The following CHIA variants were observed in gnomAD, a reference collection of about 807,000 sequenced individuals.
CHIA encodes the protein acidic mammalian chitinase.
A neutral mutation model predicts 53.5 loss-of-function variants in CHIA; 47 were observed. The observed-to-expected ratio is 0.88, with a 90% CI of 0.70 to 1.12. The LOEUF (loss-of-function observed/expected upper bound fraction) is 1.12, where lower values mean the gene tolerates loss of function less well. Ranked by LOEUF, CHIA falls within the 50% of genes most tolerant of loss-of-function variation. CHIA has a pLI of 0.00. For missense variants in CHIA, 652 were observed against 592.2 expected (o/e 1.10, Z -1.05); for synonymous variants, 268 against 222.2 (o/e 1.21, Z -1.83).
Position 111,319,407 on chromosome 1 carries a change from C to T in CHIA, c.1116C>T (p.Cys372=). 1 of 1,614,158 alleles carries T rather than the reference C, an allele frequency of 6.2e-7. No homozygotes were observed. Among genetic ancestry groups the T allele is most frequent in the Non-Finnish European group, 8.5e-7 (1 of 1,179,986 alleles). ...IDLDDFTGTF[C]NQGKFPLIST... is the part of the protein sequence containing the mutation. ...TGGATGACTTCACTGGCACTTTCTG[C>T]AACCAGGGCAAGTTTCCCCTAATCT... is the stretch of plus-strand genomic sequence containing the variant. The change falls in exon 11 of 12, where the codon TGC becomes TGT. Residue 372 remains cysteine (C), a synonymous_variant. Coordinates refer to ENST00000369740, the MANE Select transcript of CHIA (RefSeq NM_201653.4).
Position 111,320,287 on chromosome 1 carries a change from A to G in CHIA, c.1252A>G (p.Ser418Gly), listed in dbSNP as rs1273577494. Residue 418 changes from serine (S) to glycine (G), a missense_variant, in exon 12 of 12, where the codon AGC becomes GGC. Ser to Gly is a moderately conservative substitution (Grantham distance 56, BLOSUM62 0). Coordinates refer to ENST00000369740, the MANE Select transcript of CHIA (RefSeq NM_201653.4). ...PSGSGNGSGS[S>G]SSGGSSGGSG... Reference sequence around the variant, plus strand: ...TGGCAGCGGGAACGGGAGCGGGAGTAGCAGCTCTGGAGGCAGCTCGGGAGG... The same window carrying G: ...TGGCAGCGGGAACGGGAGCGGGAGTGGCAGCTCTGGAGGCAGCTCGGGAGG... 3 of 1,614,238 alleles carry G rather than the reference A, an allele frequency of 1.9e-6. No homozygotes were observed. Among genetic ancestry groups the G allele is most frequent in the Admixed American group, 1.7e-5 (1 of 60,032 alleles).
intron 3 of CHIA, 84 bp downstream of exon 3, chr1:111,311,802 C>A: frequency 7.0e-7 from 1 of 1,426,506 alleles, no homozygotes; most frequent in Non-Finnish European, 9.9e-7. Context: ...CTGTTTGCTT[C>A]ACAGACAGAT....
chr1:111,306,130 T>C (rs771968906), intron 1 of CHIA, among the ~76,000 whole-genome samples: 19 of 152,168 alleles, frequency 1.2e-4, no homozygotes, highest in Non-Finnish European at 2.5e-4. Context: ...AACCTTAAAA[T>C]CATGAAGATT....
In CHIA at chr1:111,320,361, TA is replaced by T. The variant is rs1649566803; in HGVS notation, c.1328del (p.Asn443ThrfsTer9). The T allele has an allele frequency of 5.0e-6, 8 of 1,614,176 alleles. No individual in the cohort carries two copies. The highest frequency in any genetic ancestry group is 3.3e-4 in the Middle Eastern group (2 of 6,062). On this transcript the variant is annotated frameshift_variant, in exon 12 of 12. Transcript: ENST00000369740. LOFTEE classifies it low-confidence loss of function (END_TRUNC). ...CCAACGGCCTCTACCCCGTGGCAAA[TA>T]ACAGAAATGCCTTCTGGCACTGCGT... Reference protein sequence around the residue: ...RANGLYPVANNRNAFWHCVNG... With the variant: ...RANGLYPVANXRNAFWHCVNG...
intron 1 of CHIA, among the ~76,000 whole-genome samples, chr1:111,292,052 T>C (rs1301411028): frequency 6.6e-6 from 1 of 152,194 alleles, no homozygotes; most frequent in Non-Finnish European, 1.5e-5. Flanking sequence ...TTGAAACATG[T>C]AAGGTATTTA....
intron 1 of CHIA, among the ~76,000 whole-genome samples, chr1:111,304,527 C>G (rs1463242434): frequency 6.6e-6 from 1 of 152,084 alleles, no homozygotes; most frequent in Non-Finnish European, 1.5e-5. Flanking sequence ...GCCCTTGAAC[C>G]TTTCTAGTAA....
Position 111,320,554 on chromosome 1 carries a change from A to G in CHIA, c.*88A>G. 1 of 1,273,064 alleles carries G rather than the reference A, an allele frequency of 7.9e-7. No individual in the cohort carries two copies. The highest frequency in any genetic ancestry group is 1.1e-6 in the Non-Finnish European group (1 of 890,268). 78.9% of individuals were successfully genotyped at this position (1,273,064 alleles called of 1,614,324 possible). ...CCTAAAGTCCTGCAATAAAATCAGC[A>G]GTCAAAACATGACTGTCCTTGCTTT... On this transcript the variant is annotated 3_prime_UTR_variant, in exon 12 of 12. Transcript: ENST00000369740.
chr1:111,299,728 G>T (rs1185789640), intron 1 of CHIA, among the ~76,000 whole-genome samples: 1 of 152,228 alleles, frequency 6.6e-6, no homozygotes, highest in South Asian at 2.1e-4. Flanking sequence ...AGTGTTTGAA[G>T]TTCTGGCCAG....
intron 1 of CHIA, among the ~76,000 whole-genome samples, chr1:111,305,516 A>T (rs866372020): frequency 2.6e-5 from 4 of 152,240 alleles, no homozygotes; most frequent in Admixed American, 2.6e-4. Context: ...ACACATGCAC[A>T]GCTGCCTGCC....
At chr1:111,310,237 A>G in intron 1 of CHIA, 163 bp from the exon 2 acceptor site, 2 of 801,772 alleles carry the variant, frequency 2.5e-6, no homozygotes, top group Non-Finnish European at 1.8e-6. Context: ...CCACCCTGTT[A>G]GGAGCCATGA....
chr1:111,320,046 T>C (rs1649530756), intron 11 of CHIA, among the ~76,000 whole-genome samples, 167 bp from the exon 12 acceptor site: 1 of 152,156 alleles, frequency 6.6e-6, no homozygotes, highest in Admixed American at 6.5e-5. Flanking sequence ...CACAATAGCT[T>C]TATTTATCTC....
chr1:111,319,166 C>T lies in CHIA; in HGVS notation c.962C>T (p.Pro321Leu). The T allele has an allele frequency of 1.2e-6, 2 of 1,614,178 alleles. No homozygotes were observed. The highest frequency in any genetic ancestry group is 1.7e-6 in the Non-Finnish European group (2 of 1,180,026). Residue 321 changes from proline to leucine, a missense_variant, in exon 10 of 12, where the codon CCT becomes CTT. By Grantham distance (98) the Pro-to-Leu change is moderately conservative. Transcript: ENST00000369740. The stretch of plus-strand genomic sequence containing the variant: ...GGAGCCACTCAGGGATGGGATGCCC[C>T]TCAGGAAGTGCCTTATGCCTATCAG... ...KNGATQGWDA[P>L]QEVPYAYQGN...
At chr1:111,302,806 A>G (rs1346424622) in intron 1 of CHIA, among the ~76,000 whole-genome samples, 1 of 152,066 alleles carries the variant, frequency 6.6e-6, no homozygotes, top group Non-Finnish European at 1.5e-5. Flanking sequence ...TTCCTCACTT[A>G]TCTTCCGTGT....
Position 111,294,898 on chromosome 1 carries a change from G to T in CHIA, c.-69+3948G>T, listed in dbSNP as rs149748512. Among the ~76,000 whole-genome samples, 4 of 152,256 alleles carry T rather than the reference G, an allele frequency of 2.6e-5. No homozygotes were observed. In the East Asian group the frequency reaches 5.8e-4, roughly 22 times the overall value. Reference sequence around the variant, plus strand: ...AATGAATAAATCCCTCGTGAACACAGTATATAATCCCTTAACATCCTGTTA... The same window carrying T: ...AATGAATAAATCCCTCGTGAACACATTATATAATCCCTTAACATCCTGTTA... On this transcript the variant is annotated intron_variant, in intron 1 of 11. Transcript: ENST00000369740.
chr1:111,299,411 C>T (rs1244454729), intron 1 of CHIA, among the ~76,000 whole-genome samples: 1 of 152,216 alleles, frequency 6.6e-6, no homozygotes, highest in African/African-American at 2.4e-5. Flanking sequence ...GGCTTCATCC[C>T]TGGGATGCAA....
chr1:111,291,199 G>T (rs1332863927), intron 1 of CHIA, among the ~76,000 whole-genome samples: 1 of 151,988 alleles, frequency 6.6e-6, no homozygotes, highest in Non-Finnish European at 1.5e-5. Context: ...CTACTATAAA[G>T]ACACATGCAC....
In CHIA at chr1:111,319,310, C is replaced by A; in HGVS notation, c.1036-17C>A. The A allele has an allele frequency of 6.2e-7, 1 of 1,614,160 alleles. No individual in the cohort carries two copies. The highest frequency in any genetic ancestry group is 1.1e-5 in the South Asian group (1 of 91,078). On this transcript the variant is annotated splice_polypyrimidine_tract_variant and intron_variant, in intron 10 of 11. Coordinates refer to ENST00000369740, the MANE Select transcript of CHIA (RefSeq NM_201653.4). ...CAGGAAAGCAAGTGATTCCTGTTAT[C>A]CTCTTTCTTTAAACAGGCTCAATGG...
Position 111,303,413 on chromosome 1 carries a change from AC to A in CHIA, c.-68-6986del, listed in dbSNP as rs1647919465. The stretch of plus-strand genomic sequence containing the variant: ...TTACATTTCTTTCTCGTTTCCTTAT[AC>A]ACACACACACATATACATCTATACA... On this transcript the variant is annotated intron_variant, in intron 1 of 11. Transcript: ENST00000369740. Among the ~76,000 whole-genome samples, 3 of 151,830 alleles carry A rather than the reference AC, an allele frequency of 2.0e-5. No individual in the cohort carries two copies. The South Asian group carries it at 6.2e-4, about 32-fold the overall frequency.
chr1:111,296,432 G>A (rs796177326), intron 1 of CHIA, among the ~76,000 whole-genome samples: 26 of 152,234 alleles, frequency 1.7e-4, no homozygotes, highest in African/African-American at 5.8e-4. Flanking sequence ...AGGCAAACAG[G>A]GTCTGGAGTG....
Sources: gnomAD v4.1 joint callset for allele counts (sites outside exome capture counted in the v4.1 genomes callset) on GRCh38, gnomAD v4.1.1 for gene constraint, MANE v1.5 for transcripts, NCBI Gene and HGNC (gene_info 2026-07-23, HGNC 2026-07-21) for gene names.